Variants in RCAN3 observed in about 807,000 individuals in gnomAD.
RCAN3 encodes regulator of calcineurin 3, also known as calcipressin-3.
In RCAN3, 19 loss-of-function variants were observed where a neutral mutation model predicts 21.9. The ratio of observed to expected loss-of-function variants is 0.87; its 90% CI spans 0.61 to 1.27. The LOEUF (loss-of-function observed/expected upper bound fraction) is 1.27, where lower values mean the gene tolerates loss of function less well. Ranked by LOEUF, RCAN3 falls within the 50% of genes most tolerant of loss-of-function variation. The pLI, the probability that RCAN3 is intolerant of heterozygous loss-of-function variation, is 0.00. For synonymous variants in RCAN3, 114 were observed against 112.3 expected (o/e 1.01, Z -0.09); for missense variants, 240 against 300.1 (o/e 0.80, Z 1.48).
At chr1:24,518,935 G>A (rs1393405400) in intron 2 of RCAN3, among the ~76,000 whole-genome samples, 4 of 151,884 alleles carry the variant, frequency 2.6e-5, no homozygotes, top group Admixed American at 1.3e-4. Flanking sequence ...CACCATGCTC[G>A]GCTAATTTTT....
In RCAN3 at chr1:24,535,385, G is replaced by A; in HGVS notation, c.*108G>A. 1.0e-5 allele frequency: 13 copies of A among 1,267,496 alleles called. No homozygotes were observed. Among genetic ancestry groups the A allele is most frequent in the Non-Finnish European group, 1.4e-5 (13 of 952,658 alleles). 78.5% of individuals were successfully genotyped at this position (1,267,496 alleles called of 1,614,324 possible). On this transcript the variant is annotated 3_prime_UTR_variant, in exon 5 of 5. Transcript: ENST00000374395. Reference sequence around the variant, plus strand: ...AACAGCATAGGTGAGACTCTGCCGAGTGAGGTATAGGTCTTCTCACCACGC... The same window carrying A: ...AACAGCATAGGTGAGACTCTGCCGAATGAGGTATAGGTCTTCTCACCACGC...
chr1:24,508,062 C>A (rs772578208), intron 1 of RCAN3, among the ~76,000 whole-genome samples: 3 of 151,966 alleles, frequency 2.0e-5, no homozygotes, highest in East Asian at 3.9e-4. Flanking sequence ...CGCGCCACTG[C>A]GCCGAGACTG....
rs67348372 is a variant in RCAN3, at chr1:24,515,427, GGTGTGTGT to G, written c.195+890_195+897del. On this transcript the variant is annotated intron_variant, in intron 2 of 4. Transcript: ENST00000374395. The stretch of plus-strand genomic sequence containing the variant: ...CATTTATTATTTACCTAGAAAGAGA[GGTGTGTGT>G]GTGTGTGTGTGTGTGTGTGTGTGTG... Among the ~76,000 whole-genome samples, 1,260 of 146,430 alleles carry G rather than the reference GGTGTGTGT, an allele frequency of 8.6e-3. 17 individuals carry two copies. The highest frequency in any genetic ancestry group is 0.021 in the Middle Eastern group (6 of 290).
chr1:24,508,157 T>C (rs571208020), intron 1 of RCAN3, among the ~76,000 whole-genome samples: 27 of 152,216 alleles, frequency 1.8e-4, no homozygotes, highest in African/African-American at 6.5e-4. Context: ...AGACTAGAAC[T>C]CAGGATTGAG....
At chr1:24,520,360 A>G (rs1648683170) in intron 2 of RCAN3, among the ~76,000 whole-genome samples, 1 of 152,228 alleles carries the variant, frequency 6.6e-6, no homozygotes, top group Non-Finnish European at 1.5e-5. Context: ...CAGTGGGTTT[A>G]GAGTTATAGA....
intron 1 of RCAN3, among the ~76,000 whole-genome samples, chr1:24,503,444 GTGTT>G (rs1199214600): frequency 2.0e-5 from 3 of 152,178 alleles, no homozygotes; most frequent in Non-Finnish European, 4.4e-5. Flanking sequence ...CCCACCAAGT[GTGTT>G]TGACCTTTTG....
chr1:24,504,862 C>T (rs1465666033), intron 1 of RCAN3, among the ~76,000 whole-genome samples: 1 of 152,184 alleles, frequency 6.6e-6, no homozygotes, highest in Non-Finnish European at 1.5e-5. Context: ...TTCAGTTATT[C>T]TTTAAAACCT....
intron 1 of RCAN3, among the ~76,000 whole-genome samples, chr1:24,510,317 T>C (rs1647774445): frequency 6.6e-6 from 1 of 152,256 alleles, no homozygotes; most frequent in African/African-American, 2.4e-5. Flanking sequence ...AAGTCCTAGA[T>C]GCATCTTCTT....
At chr1:24,533,973 A>C (rs949397146) in intron 4 of RCAN3, among the ~76,000 whole-genome samples, 1 of 152,206 alleles carries the variant, frequency 6.6e-6, no homozygotes, top group Non-Finnish European at 1.5e-5. Flanking sequence ...ACTACTTTGA[A>C]TATATTACAA....
At chr1:24,516,140 C>G (rs1648299773) in intron 2 of RCAN3, among the ~76,000 whole-genome samples, 1 of 150,872 alleles carries the variant, frequency 6.6e-6, no homozygotes, top group South Asian at 2.1e-4. Context: ...GAGACTCAGT[C>G]TCAAGAAAAA....
chr1:24,517,611 A>C (rs184952305), intron 2 of RCAN3, among the ~76,000 whole-genome samples: 109 of 152,326 alleles, frequency 7.2e-4, no homozygotes, highest in African/African-American at 2.5e-3. Flanking sequence ...AATTGTATTT[A>C]ATACCCTTAA....
intron 3 of RCAN3, among the ~76,000 whole-genome samples, chr1:24,532,586 G>A (rs563619483): frequency 1.6e-4 from 25 of 151,878 alleles, no homozygotes; most frequent in African/African-American, 6.0e-4. Flanking sequence ...GTGGCCATGT[G>A]CTGTACACTG....
intron 2 of RCAN3, among the ~76,000 whole-genome samples, chr1:24,521,934 A>C (rs1648855502): frequency 6.6e-6 from 1 of 152,054 alleles, no homozygotes; most frequent in African/African-American, 2.4e-5. Flanking sequence ...TTACAGTTTA[A>C]TGTATTGAGA....
In RCAN3 at chr1:24,525,086, G is replaced by A. The variant is rs532081599; in HGVS notation, c.196-6132G>A. Among the ~76,000 whole-genome samples, 2 of 152,058 alleles carry A rather than the reference G, an allele frequency of 1.3e-5. No homozygotes were observed. Among genetic ancestry groups the A allele is most frequent in the South Asian group, 2.1e-4 (1 of 4,808 alleles). On this transcript the variant is annotated intron_variant, in intron 2 of 4. Transcript: ENST00000374395. The surrounding 1 kb of genome is among the most constrained non-coding windows in gnomAD (Gnocchi z 4.1). ...GAAACAGCTAAACCTTGCCTTCTCC[G>A]AATTGGGATGGGGCAACAGAGTGGA...
intron 2 of RCAN3, among the ~76,000 whole-genome samples, chr1:24,527,665 C>A (rs1428953757): frequency 2.0e-5 from 3 of 152,086 alleles, no homozygotes; most frequent in African/African-American, 7.2e-5. Flanking sequence ...ATTGAAAGAT[C>A]TTTACATAGG....
chr1:24,526,869 A>T (rs1488008514), intron 2 of RCAN3, among the ~76,000 whole-genome samples: 1 of 152,196 alleles, frequency 6.6e-6, no homozygotes, highest in Non-Finnish European at 1.5e-5. Flanking sequence ...TTTAAAAGCG[A>T]CAAAGCTAGC....
chr1:24,507,993 G>A (rs1211546554), intron 1 of RCAN3, among the ~76,000 whole-genome samples: 4 of 152,288 alleles, frequency 2.6e-5, no homozygotes, highest in Admixed American at 2.6e-4. Flanking sequence ...CAGGAGAATC[G>A]CTTGAACCCT....
chr1:24,533,236 G>A lies in RCAN3; in HGVS notation c.523G>A (p.Val175Ile). ...TATAAATTATGATTTACTCTGTGCT[G>A]TTTCCAAATTGGGACCAGGTAATAA... Reference protein sequence around the residue: ...PVINYDLLCAVSKLGPGEKYE... With the variant: ...PVINYDLLCAISKLGPGEKYE... The change falls in exon 4 of 5, where the codon GTT becomes ATT. Residue 175 changes from valine to isoleucine, a missense_variant. Transcript: ENST00000374395. The A allele has an allele frequency of 6.4e-7, 1 of 1,559,124 alleles. No individual in the cohort carries two copies. The highest frequency in any genetic ancestry group is 8.6e-7 in the Non-Finnish European group (1 of 1,157,954).
rs953163915 is a variant in RCAN3 at position 24,532,184 on chromosome 1, C to T, written c.369+793C>T. Among the ~76,000 whole-genome samples, 6 of 151,692 alleles carry T rather than the reference C, an allele frequency of 4.0e-5. No individual in the cohort carries two copies. In the East Asian group the frequency reaches 7.7e-4, roughly 20 times the overall value. On this transcript the variant is annotated intron_variant, in intron 3 of 4. Transcript: ENST00000374395. The stretch of plus-strand genomic sequence containing the variant: ...AAGATTGGAATTTAGTAGTTGCTGT[C>T]GTTCATTTCTCTCTTCATCCATTTA...
Sources: allele counts gnomAD v4.1 joint callset (sites outside exome capture counted in the v4.1 genomes callset), GRCh38; gene constraint gnomAD v4.1.1; non-coding constraint Gnocchi (gnomAD v3.1); transcripts MANE v1.5; gene names NCBI Gene and HGNC (gene_info 2026-07-23, HGNC 2026-07-21).